Variants in THSD4 observed in about 807,000 individuals in gnomAD.
The protein encoded by THSD4 is thrombospondin type 1 domain containing 4.
THSD4 carries 69 observed loss-of-function variants against 119.0 expected under a neutral mutation model. The ratio of observed to expected loss-of-function variants is 0.58; its 90% CI spans 0.48 to 0.71. The LOEUF (loss-of-function observed/expected upper bound fraction) is 0.71, where lower values mean the gene tolerates loss of function less well. Among genes scored for constraint, THSD4 ranks in the 30% least tolerant of loss-of-function variants. THSD4 has a pLI of 0.00. For missense variants in THSD4, 1,393 were observed against 1,391.1 expected, an observed-to-expected ratio of 1.00 and a Z score of -0.02; for synonymous variants, 524 against 540.4, an observed-to-expected ratio of 0.97 and a Z score of 0.42.
intron 3 of THSD4, among the ~76,000 whole-genome samples, chr15:71,172,733 ATG>A (rs1448878573): frequency 6.9e-4 from 65 of 93,948 alleles, no homozygotes; most frequent in African/African-American, 1.8e-3. Context: ...ATATATATAT[ATG>A]TGGACAATTG....
chr15:71,598,764 C>T (rs1595771755), intron 7 of THSD4, among the ~76,000 whole-genome samples: 1 of 151,998 alleles, frequency 6.6e-6, no homozygotes, highest in African/African-American at 2.4e-5. Flanking sequence ...ACTACAGGCA[C>T]ATACCACCCC....
intron 4 of THSD4, among the ~76,000 whole-genome samples, chr15:71,231,232 G>A (rs1311837290): frequency 6.6e-6 from 1 of 152,212 alleles, no homozygotes; most frequent in Non-Finnish European, 1.5e-5. Context: ...ATCTGGGGCT[G>A]TGAGTCTAAA....
chr15:71,730,172 C>T lies in THSD4; in HGVS notation c.1534-949C>T, dbSNP rs140485725. The T allele has an allele frequency of 2.0e-5, 3 of 152,298 alleles. No homozygotes were observed. The East Asian group carries it at 5.8e-4, about 29-fold the overall frequency. 9.4% of individuals were successfully genotyped at this position (152,298 alleles called of 1,614,324 possible). ...GACATGATTCTAACCTCTTCCTTCC[C>T]CAAGGAAGAAATCAAAAACTGCAGG... On this transcript the variant is annotated intron_variant, in intron 9 of 17. Transcript: ENST00000261862.
chr15:71,573,279 G>A (rs757691765), intron 7 of THSD4, among the ~76,000 whole-genome samples: 3 of 152,176 alleles, frequency 2.0e-5, no homozygotes, highest in Non-Finnish European at 2.9e-5. Context: ...GTTGTTAAAC[G>A]AATCCAGGCA....
At chr15:71,351,227 A>G (rs1044339785) in intron 6 of THSD4, among the ~76,000 whole-genome samples, 10 of 152,196 alleles carry the variant, frequency 6.6e-5, no homozygotes, top group African/African-American at 2.2e-4. Flanking sequence ...TTTAGAGATC[A>G]TCTGGTGCAA....
At chr15:71,675,405 G>T (rs1033216946) in intron 8 of THSD4, among the ~76,000 whole-genome samples, 1 of 152,140 alleles carries the variant, frequency 6.6e-6, no homozygotes, top group Non-Finnish European at 1.5e-5. Flanking sequence ...CGGTGAGGCC[G>T]TGCAATCCTT....
At chr15:71,775,399 T>C (rs1183933735) in intron 17 of THSD4, among the ~76,000 whole-genome samples, 2 of 152,138 alleles carry the variant, frequency 1.3e-5, no homozygotes, top group Non-Finnish European at 2.9e-5. Context: ...GCAAGGTTTT[T>C]CATAGAAAAA....
intron 6 of THSD4, among the ~76,000 whole-genome samples, chr15:71,354,231 G>GC (rs1472725003): frequency 2.6e-5 from 4 of 152,176 alleles, no homozygotes; most frequent in African/African-American, 9.7e-5. Flanking sequence ...GGAGGTTGAG[G>GC]CTGCAGTGAG....
At chr15:71,286,365 T>C (rs993486790) in intron 6 of THSD4, among the ~76,000 whole-genome samples, 2 of 152,186 alleles carry the variant, frequency 1.3e-5, no homozygotes, top group Non-Finnish European at 2.9e-5. Flanking sequence ...TATGTATCCA[T>C]GTGTTCTCAT....
At chr15:71,525,527 A>G (rs760850506) in intron 7 of THSD4, among the ~76,000 whole-genome samples, 15 of 152,206 alleles carry the variant, frequency 9.9e-5, no homozygotes, top group Non-Finnish European at 2.1e-4. Context: ...CGTTTATTCA[A>G]ACTATGAGTT....
intron 7 of THSD4, among the ~76,000 whole-genome samples, chr15:71,465,831 T>C (rs2047491258): frequency 6.6e-6 from 1 of 152,196 alleles, no homozygotes; most frequent in Admixed American, 6.5e-5. Context: ...TTTAAAGTAG[T>C]GGCAAATAAG....
At chr15:71,327,916 G>C (rs560637214) in intron 6 of THSD4, among the ~76,000 whole-genome samples, 1 of 152,244 alleles carries the variant, frequency 6.6e-6, no homozygotes, top group East Asian at 1.9e-4. Context: ...TAATTCAGCC[G>C]GGTCTGTGCA....
intron 6 of THSD4, among the ~76,000 whole-genome samples, chr15:71,383,886 C>T (rs6494913): frequency 0.69 from 104,905 of 152,066 alleles, 36,923 homozygotes; most frequent in African/African-American, 0.82. Context: ...TTATATAATA[C>T]GCCGTTTTAC....
At chr15:71,552,473 G>C (rs1482448973) in intron 7 of THSD4, among the ~76,000 whole-genome samples, 2 of 152,202 alleles carry the variant, frequency 1.3e-5, no homozygotes, top group South Asian at 2.1e-4. Flanking sequence ...TCAATGTAAT[G>C]ACCTTAATGA....
At chr15:71,341,438 A>C in intron 6 of THSD4, 1 of 1,613,012 alleles carries the variant, frequency 6.2e-7, no homozygotes, top group East Asian at 2.2e-5. Context: ...AAGCATGTGC[A>C]GCAAGAATTC....
chr15:71,505,768 G>C (rs1281295532), intron 7 of THSD4, among the ~76,000 whole-genome samples: 1 of 152,186 alleles, frequency 6.6e-6, no homozygotes, highest in East Asian at 1.9e-4. Flanking sequence ...CCTGTAATTT[G>C]GAAAGTGTCA....
At chr15:71,453,914 T>C (rs1446234612) in intron 7 of THSD4, among the ~76,000 whole-genome samples, 1 of 152,142 alleles carries the variant, frequency 6.6e-6, no homozygotes, top group South Asian at 2.1e-4. Flanking sequence ...GGGGGCATGC[T>C]CTTTAGAGTG....
chr15:71,728,746 C>A, intron 9 of THSD4, 22 bp downstream of exon 9: 45 of 1,613,000 alleles, frequency 2.8e-5, no homozygotes, highest in Non-Finnish European at 3.7e-5. Flanking sequence ...TGTTTCTGGA[C>A]TGTTCTTTGG....
At chr15:71,560,178 A>C (rs1189668066) in intron 7 of THSD4, among the ~76,000 whole-genome samples, 2 of 152,254 alleles carry the variant, frequency 1.3e-5, no homozygotes, top group Non-Finnish European at 2.9e-5. Flanking sequence ...ATTTCAAGCA[A>C]GGCATTTTTA....
Sources: gnomAD v4.1 joint callset for allele counts (sites outside exome capture counted in the v4.1 genomes callset) on GRCh38, gnomAD v4.1.1 for gene constraint, MANE v1.5 for transcripts, NCBI Gene and HGNC (gene_info 2026-07-23, HGNC 2026-07-21) for gene names.